CLMP: variants seen among roughly 807,000 people sequenced by gnomAD.
The protein encoded by CLMP is CXADR-like membrane protein.
A neutral mutation model predicts 45.2 loss-of-function variants in CLMP; 27 were observed. The ratio of observed to expected loss-of-function variants is 0.60; its 90% CI spans 0.44 to 0.82. CLMP has a LOEUF of 0.82. Ranked by LOEUF, CLMP falls within the 40% of genes least tolerant of loss-of-function variation. The pLI is 0.00. For synonymous variants in CLMP, 167 were observed against 171.4 expected, an observed-to-expected ratio of 0.97 and a Z score of 0.20; for missense variants, 403 against 448.4, an observed-to-expected ratio of 0.90 and a Z score of 0.91.
At chr11:123,106,420 T>TCCC (rs1860554484) in intron 1 of CLMP, among the ~76,000 whole-genome samples, 1 of 106,912 alleles carries the variant, frequency 9.4e-6, no homozygotes, top group African/African-American at 3.9e-5. Flanking sequence ...TGTGTGTGTG[T>TCCC]GTGTGCGCGC....
chr11:123,110,031 A>T (rs1269486900), intron 1 of CLMP, among the ~76,000 whole-genome samples: 2 of 152,184 alleles, frequency 1.3e-5, no homozygotes, highest in Non-Finnish European at 2.9e-5. Context: ...ACCTTCCATC[A>T]TTTAAAAGGC....
chr11:123,115,214 A>AT (rs202122945), intron 1 of CLMP, among the ~76,000 whole-genome samples: 10,166 of 144,330 alleles, frequency 0.07, 443 homozygotes, highest in East Asian at 0.17. Context: ...GCTAATTTAA[A>AT]TTTTTTTTTT....
rs2135557178 is a variant in CLMP, at chr11:123,195,107, G to A, written c.-167C>T. 1 of 395,796 alleles carries A rather than the reference G, an allele frequency of 2.5e-6. No individual in the cohort carries two copies. The highest frequency in any genetic ancestry group is 4.1e-6 in the Non-Finnish European group (1 of 242,632). 24.5% of individuals were successfully genotyped at this position (395,796 alleles called of 1,614,324 possible). ...AGCCGGCCCCGCGCCCCGTGCCCCTGGGGGCAGATGGGCTCCCGGCGCTCG... is the reference window on the plus strand; with the variant it reads ...AGCCGGCCCCGCGCCCCGTGCCCCTAGGGGCAGATGGGCTCCCGGCGCTCG... On this transcript the variant is annotated 5_prime_UTR_variant, in exon 1 of 7. Coordinates refer to ENST00000448775, the MANE Select transcript of CLMP (RefSeq NM_024769.5).
intron 1 of CLMP, among the ~76,000 whole-genome samples, chr11:123,194,115 C>T (rs1861945755): frequency 6.6e-6 from 1 of 152,116 alleles, no homozygotes; most frequent in South Asian, 2.1e-4. Flanking sequence ...TCCTGCAAAC[C>T]TGCCTCTGCC....
intron 1 of CLMP, among the ~76,000 whole-genome samples, chr11:123,139,617 G>C (rs1861125921): frequency 1.3e-5 from 2 of 152,116 alleles, no homozygotes; most frequent in South Asian, 4.1e-4. Flanking sequence ...ACAAGGTCAG[G>C]AGTTAGAGAC....
chr11:123,138,187 G>A (rs983537557), intron 1 of CLMP, among the ~76,000 whole-genome samples: 3 of 152,050 alleles, frequency 2.0e-5, no homozygotes, highest in African/African-American at 7.2e-5. Context: ...ACTAGTATAA[G>A]ATACACATGG....
chr11:123,107,861 A>C (rs1464799110), intron 1 of CLMP, among the ~76,000 whole-genome samples: 2 of 152,080 alleles, frequency 1.3e-5, no homozygotes, highest in Non-Finnish European at 2.9e-5. Context: ...ACTAAGTCTA[A>C]ATGTTGCAGT....
intron 1 of CLMP, among the ~76,000 whole-genome samples, chr11:123,151,884 G>A (rs11219032): frequency 0.051 from 7,704 of 152,160 alleles, 270 homozygotes; most frequent in African/African-American, 0.098. Context: ...TCTAGTTCTA[G>A]TACCACTCCC....
intron 1 of CLMP, among the ~76,000 whole-genome samples, chr11:123,171,024 G>A (rs1246513736): frequency 1.3e-5 from 2 of 152,216 alleles, no homozygotes; most frequent in Non-Finnish European, 2.9e-5. Flanking sequence ...ACCAGGGTAT[G>A]AGCAAGGTCT....
Position 123,097,958 on chromosome 11 carries a change from A to G in CLMP, c.29-6T>C. ...GGTTCCAACATAGTAGGAAACTGGAAGAGGAAAATCTTTAATGAGTAATGC... is the reference window on the plus strand; with the variant it reads ...GGTTCCAACATAGTAGGAAACTGGAGGAGGAAAATCTTTAATGAGTAATGC... On this transcript the variant is annotated splice_polypyrimidine_tract_variant and splice_region_variant and intron_variant, in intron 1 of 6. Transcript: ENST00000448775. 2 of 1,542,226 alleles carry G rather than the reference A, an allele frequency of 1.3e-6. No homozygotes were observed. The highest frequency in any genetic ancestry group is 1.7e-4 in the Middle Eastern group (1 of 5,752).
chr11:123,164,868 C>T lies in CLMP; in HGVS notation c.28+30045G>A, dbSNP rs190875031. ...TGTTTTTAAAACATGATAATACACTCCTAAAGTTAGGAAAAGTGACCTTAG... is the reference window on the plus strand; with the variant it reads ...TGTTTTTAAAACATGATAATACACTTCTAAAGTTAGGAAAAGTGACCTTAG... On this transcript the variant is annotated intron_variant, in intron 1 of 6. Coordinates refer to ENST00000448775, the MANE Select transcript of CLMP (RefSeq NM_024769.5). 1.8e-3 allele frequency among the ~76,000 whole-genome samples: 277 copies of T among 152,156 alleles called. 3 individuals carry two copies. The highest frequency in any genetic ancestry group is 3.4e-3 in the Middle Eastern group (1 of 294).
intron 1 of CLMP, among the ~76,000 whole-genome samples, chr11:123,104,153 T>TA (rs1273952553): frequency 2.1e-5 from 3 of 141,318 alleles, no homozygotes; most frequent in East Asian, 4.3e-4. Flanking sequence ...TTTTTTTTTT[T>TA]AATCCAGATT....
In CLMP at chr11:123,070,661, G is replaced by T. The variant is rs1865661251; in HGVS notation, c.*2813C>A. 6.6e-6 allele frequency: 1 copy of T among 152,164 alleles called. No individual in the cohort carries two copies. The highest frequency in any genetic ancestry group is 2.4e-5 in the African/African-American group (1 of 41,444). 9.4% of individuals were successfully genotyped at this position (152,164 alleles called of 1,614,324 possible). A position where few individuals can be genotyped will look rare whatever the true frequency, so the allele number is the denominator to read the frequency against. ...GCAGCTTCCGTTGTGTATTTGTTTG[G>T]CTCAGGTACTCTAGAAATGAGAATT... On this transcript the variant is annotated 3_prime_UTR_variant, in exon 7 of 7. Coordinates refer to ENST00000448775, the MANE Select transcript of CLMP (RefSeq NM_024769.5).
chr11:123,117,433 A>G (rs1251422139), intron 1 of CLMP, among the ~76,000 whole-genome samples: 1 of 151,738 alleles, frequency 6.6e-6, no homozygotes, highest in African/African-American at 2.4e-5. Flanking sequence ...TTTATTTTTT[A>G]TTATTATTTT....
chr11:123,116,194 C>T (rs894136218), intron 1 of CLMP, among the ~76,000 whole-genome samples: 1 of 151,778 alleles, frequency 6.6e-6, no homozygotes, highest in Admixed American at 6.6e-5. Context: ...TAATTCCAGC[C>T]CACACTCAAG....
At position 123,090,450 on chromosome 11, in the gene CLMP, G is replaced by A. The variant is rs185091938; in HGVS notation, c.187-5737C>T. Among the ~76,000 whole-genome samples, 23 of 152,030 alleles carry A rather than the reference G, an allele frequency of 1.5e-4. No individual in the cohort carries two copies. In the East Asian group the frequency reaches 4.4e-3, roughly 29 times the overall value. On this transcript the variant is annotated intron_variant, in intron 2 of 6. Transcript: ENST00000448775. ...AAAAAAAGAAAAAACACTGTGCCAG[G>A]CCGCAGTGATTGGGATTGCTGGCTG... is the stretch of plus-strand genomic sequence containing the variant.
chr11:123,120,563 A>T (rs974450626), intron 1 of CLMP, among the ~76,000 whole-genome samples: 3 of 152,160 alleles, frequency 2.0e-5, no homozygotes, highest in African/African-American at 7.2e-5. Context: ...GGAGGAAATA[A>T]TTGTATTCAA....
At chr11:123,080,173 TG>T (rs1277237296) in intron 5 of CLMP, among the ~76,000 whole-genome samples, 1 of 152,220 alleles carries the variant, frequency 6.6e-6, no homozygotes, top group Admixed American at 6.5e-5. Context: ...AGAGAGGATC[TG>T]AGTGATCTGA....
chr11:123,140,227 G>A lies in CLMP; in HGVS notation c.29-42275C>T, dbSNP rs150398626. On this transcript the variant is annotated intron_variant, in intron 1 of 6. Coordinates refer to ENST00000448775, the MANE Select transcript of CLMP (RefSeq NM_024769.5). ...GCGTAGTTATCTGGGTCGCTCAGGA[G>A]GTCAGGTGAAAATAGTACTAGGGTT... is the stretch of plus-strand genomic sequence containing the variant. Among the ~76,000 whole-genome samples the A allele has an allele frequency of 3.3e-3, 502 of 152,254 alleles. 2 individuals are homozygous for A. Among genetic ancestry groups the A allele is most frequent in the African/African-American group, 0.011 (474 of 41,534 alleles).
Sources: gnomAD v4.1 joint callset for allele counts (sites outside exome capture counted in the v4.1 genomes callset) on GRCh38, gnomAD v4.1.1 for gene constraint, MANE v1.5 for transcripts, NCBI Gene and HGNC (gene_info 2026-07-23, HGNC 2026-07-21) for gene names.